Variants in SLTM observed in about 807,000 individuals in gnomAD.
SLTM encodes the protein SAFB like transcription modulator.
SLTM carries 43 observed loss-of-function variants against 134.6 expected under a neutral mutation model. The observed-to-expected ratio is 0.32, with a 90% CI of 0.25 to 0.41. The LOEUF is 0.41. Among genes scored for constraint, SLTM ranks in the 10% least tolerant of loss-of-function variants. The probability of loss-of-function intolerance (pLI) is 1.00; values close to 1 mark genes in which losing one functional copy is unlikely to be tolerated. For missense variants in SLTM, 1,055 were observed against 1,288.8 expected (o/e 0.82, Z 2.78); for synonymous variants, 424 against 432.3 (o/e 0.98, Z 0.24).
chr15:58,918,297 T>A (rs771568601), intron 2 of SLTM, among the ~76,000 whole-genome samples: 1 of 152,202 alleles, frequency 6.6e-6, no homozygotes, highest in Non-Finnish European at 1.5e-5. Flanking sequence ...AATGAACTTT[T>A]TTCCCTTTGC....
At chr15:58,913,863 G>A in intron 3 of SLTM, 167 bp from the exon 4 acceptor site, 1 of 523,530 alleles carries the variant, frequency 1.9e-6, no homozygotes, top group South Asian at 3.1e-5. Context: ...TTTAAAAATA[G>A]GTCTAATACC....
intron 20 of SLTM, among the ~76,000 whole-genome samples, chr15:58,881,306 CTGAGGAACAGGAGT>C (rs1249107809): frequency 6.6e-6 from 1 of 152,136 alleles, no homozygotes; most frequent in African/African-American, 2.4e-5. Flanking sequence ...GGAGGATCAC[CTGAGGAACAGGAGT>C]TTGAGACCAG....
intron 2 of SLTM, among the ~76,000 whole-genome samples, chr15:58,922,653 C>T (rs1190499002): frequency 2.1e-5 from 3 of 145,066 alleles, no homozygotes; most frequent in African/African-American, 7.5e-5. Flanking sequence ...ATATTATATG[C>T]GTATATAAAA....
intron 5 of SLTM, among the ~76,000 whole-genome samples, chr15:58,907,626 C>A (rs1229403272): frequency 1.0e-5 from 1 of 98,502 alleles, no homozygotes; most frequent in Admixed American, 9.9e-5. Flanking sequence ...GTCTCAACAA[C>A]AACAACAACA....
intron 9 of SLTM, among the ~76,000 whole-genome samples, chr15:58,896,062 G>A (rs1488371503): frequency 6.6e-6 from 1 of 152,188 alleles, no homozygotes; most frequent in African/African-American, 2.4e-5. Context: ...TAAGTAGACA[G>A]TATTGAGAGC....
rs149187668 is a variant in SLTM at position 58,880,135 on chromosome 15, T to C, written c.2997-28A>G. 333 of 1,606,998 alleles carry C rather than the reference T, an allele frequency of 2.1e-4. 3 individuals carry two copies. In the East Asian group the frequency reaches 7.1e-3, roughly 34 times the overall value. On this transcript the variant is annotated intron_variant, in intron 20 of 20. Coordinates refer to ENST00000380516, the MANE Select transcript of SLTM (RefSeq NM_024755.4). ...GAAAAAGGTTTAAAAGAAAAAAACA[T>C]CAGAGAACAAAGAACAAATCATCAC...
intron 2 of SLTM, among the ~76,000 whole-genome samples, chr15:58,925,140 T>G (rs961285351): frequency 3.3e-5 from 5 of 149,754 alleles, no homozygotes; most frequent in Non-Finnish European, 1.5e-5. Flanking sequence ...ATTAAGAAGA[T>G]ATGCCAAACT....
intron 8 of SLTM, 177 bp from the exon 9 acceptor site, chr15:58,897,410 A>T (rs916471099): frequency 1.9e-6 from 1 of 524,504 alleles, no homozygotes. Context: ...AGGGGAAAAA[A>T]TCTGAACGTA....
intron 15 of SLTM, 97 bp downstream of exon 15, chr15:58,890,184 A>G (rs1595844883): frequency 4.3e-6 from 6 of 1,394,366 alleles, no homozygotes; most frequent in East Asian, 4.6e-5. Context: ...AACTCATTCT[A>G]TAGACGCTTT....
At chr15:58,895,518 G>A (rs1420196381) in intron 9 of SLTM, among the ~76,000 whole-genome samples, 1 of 152,202 alleles carries the variant, frequency 6.6e-6, no homozygotes, top group Admixed American at 6.5e-5. Context: ...AAGACATAAA[G>A]CTGGGAAGAA....
rs760074025 is a variant in SLTM at position 58,893,242 on chromosome 15, C to G, written c.1734+37G>C. Reference sequence around the variant, plus strand: ...CAGAATTATCTTCTTTTGTAAACAGCTGAAGTAGTATACAACCATCCTGAT... The same window carrying G: ...CAGAATTATCTTCTTTTGTAAACAGGTGAAGTAGTATACAACCATCCTGAT... On this transcript the variant is annotated intron_variant, in intron 13 of 20. Transcript: ENST00000380516. The G allele has an allele frequency of 4.6e-6, 7 of 1,517,420 alleles. 1 individual carries two copies. In the South Asian group the frequency reaches 8.2e-5, roughly 18 times the overall value. The allele number at this position is 1,517,420 out of a possible 1,614,324, so 94.0% of individuals were successfully genotyped here.
chr15:58,910,856 T>C (rs1249215603), intron 5 of SLTM, among the ~76,000 whole-genome samples: 1 of 150,618 alleles, frequency 6.6e-6, no homozygotes, highest in Non-Finnish European at 1.5e-5. Context: ...GCCATTCTCC[T>C]GCCTCAGCCT....
At chr15:58,892,402 T>C (rs1378885236) in intron 14 of SLTM, among the ~76,000 whole-genome samples, 1 of 152,254 alleles carries the variant, frequency 6.6e-6, no homozygotes, top group African/African-American at 2.4e-5. Context: ...TCTTAGGCAC[T>C]AATGCAAACA....
In SLTM at chr15:58,889,427, T is replaced by C. The variant is rs945493984; in HGVS notation, c.2204+3A>G. On this transcript the variant is annotated splice_donor_region_variant and intron_variant, in intron 16 of 20. Transcript: ENST00000380516. ...ACTGTTAAGGAATAAAATGAGTAAC[T>C]ACCTATGATCTACATCACGTGGGCG... The C allele has an allele frequency of 1.9e-6, 3 of 1,613,692 alleles. No individual in the cohort carries two copies. The highest frequency in any genetic ancestry group is 2.5e-6 in the Non-Finnish European group (3 of 1,179,686).
intron 2 of SLTM, among the ~76,000 whole-genome samples, chr15:58,930,018 A>G (rs2037754489): frequency 6.6e-6 from 1 of 152,196 alleles, no homozygotes; most frequent in African/African-American, 2.4e-5. Flanking sequence ...GTAATTCACA[A>G]GATTTTCATA....
At chr15:58,910,325 A>C (rs1393557793) in intron 5 of SLTM, among the ~76,000 whole-genome samples, 1 of 152,222 alleles carries the variant, frequency 6.6e-6, no homozygotes, top group East Asian at 1.9e-4. Context: ...AAGCATGTTT[A>C]GAAGCATTAG....
At chr15:58,916,119 C>G (rs960338630) in intron 3 of SLTM, among the ~76,000 whole-genome samples, 3 of 151,968 alleles carry the variant, frequency 2.0e-5, no homozygotes, top group African/African-American at 4.8e-5. Flanking sequence ...CCCCAAAAGG[C>G]CTAGCTTATT....
chr15:58,898,753 GA>G, intron 8 of SLTM, 49 bp downstream of exon 8: 1 of 1,419,528 alleles, frequency 7.0e-7, no homozygotes, highest in Non-Finnish European at 9.8e-7. Context: ...ACTTTTTAAT[GA>G]AAATACACAA....
Position 58,888,539 on chromosome 15 carries a change from A to G in SLTM, c.2221T>C (p.Trp741Arg). ...DVDHRRDDPY[W>R]SENKKLSLDT... ...AGAGACAACTTTTTATTCTCGCTCC[A>G]GTAAGGATCATCTCGCCTTGAAGAG... The change falls in exon 17 of 21, where the codon TGG (tryptophan) becomes CGG (arginine). Residue 741 changes from tryptophan (W) to arginine (R), a missense_variant. Trp to Arg is a moderately radical substitution (Grantham distance 101). Around this residue, in one of 3 missense-constraint regions of SLTM, gnomAD observed 776 missense variants for 962.2 expected, o/e 0.81. Coordinates refer to ENST00000380516, the MANE Select transcript of SLTM (RefSeq NM_024755.4). 5 of 1,613,714 alleles carry G rather than the reference A, an allele frequency of 3.1e-6. No homozygotes were observed. Among genetic ancestry groups the G allele is most frequent in the South Asian group, 1.1e-5 (1 of 91,018 alleles).
Sources: gnomAD v4.1 joint callset for allele counts (sites outside exome capture counted in the v4.1 genomes callset) on GRCh38, gnomAD v4.1.1 for gene constraint, gnomAD v4.1.1 regional missense constraint, MANE v1.5 for transcripts, NCBI Gene and HGNC (gene_info 2026-07-23, HGNC 2026-07-21) for gene names.